ZFHX3: variants seen among roughly 807,000 people sequenced by gnomAD.
ZFHX3 encodes the protein zinc finger homeobox 3, also known as zinc finger homeobox protein 3.
Under a neutral mutation model 279.1 loss-of-function variants are expected in ZFHX3, and 42 were observed. The ratio of observed to expected loss-of-function variants is 0.15; its 90% confidence interval spans 0.12 to 0.19. The LOEUF (loss-of-function observed/expected upper bound fraction) is 0.19, where lower values mean the gene tolerates loss of function less well. Among genes scored for constraint, ZFHX3 ranks in the 10% least tolerant of loss-of-function variants. The pLI, the probability that ZFHX3 is intolerant of heterozygous loss-of-function variation, is 1.00. For synonymous variants in ZFHX3, 2,293 were observed against 1,957.8 expected, an observed-to-expected ratio of 1.17 and a Z score of -4.52; for missense variants, 4,981 against 4,754.0, an observed-to-expected ratio of 1.05 and a Z score of -1.40.
intron 3 of ZFHX3, among the ~76,000 whole-genome samples, chr16:72,938,749 T>C (rs1024986718): frequency 6.6e-6 from 1 of 152,096 alleles, no homozygotes; most frequent in African/African-American, 2.4e-5. Flanking sequence ...GGATTCCGAG[T>C]TGGACACAAA....
chr16:73,082,759 A>G (rs1249807348), intron 8 of ZFHX3, among the ~76,000 whole-genome samples: 1 of 152,216 alleles, frequency 6.6e-6, no homozygotes, highest in African/African-American at 2.4e-5. Flanking sequence ...GCTCCTTAGA[A>G]TAAAAGCAGT....
chr16:73,689,092 C>T (rs752997402), intron 1 of ZFHX3, among the ~76,000 whole-genome samples: 1 of 152,188 alleles, frequency 6.6e-6, no homozygotes, highest in Non-Finnish European at 1.5e-5. Context: ...GGGTTTAATG[C>T]AAACCAACCC....
At chr16:73,305,384 G>T (rs2015157912) in intron 4 of ZFHX3, among the ~76,000 whole-genome samples, 2 of 152,088 alleles carry the variant, frequency 1.3e-5, no homozygotes. Context: ...CATTGCCCTG[G>T]TAAGATACCG....
chr16:73,308,893 T>C (rs370115079), intron 4 of ZFHX3, among the ~76,000 whole-genome samples: 2 of 151,478 alleles, frequency 1.3e-5, no homozygotes, highest in East Asian at 3.9e-4. Context: ...CAAAATTATA[T>C]GACATGATAT....
chr16:73,054,409 C>G (rs1435967170), intron 1 of ZFHX3, among the ~76,000 whole-genome samples: 2 of 149,684 alleles, frequency 1.3e-5, no homozygotes, highest in Non-Finnish European at 3.0e-5. Context: ...ACCCTCCATC[C>G]CGATACAGGA....
chr16:72,811,490 G>A (rs955925367), intron 7 of ZFHX3, 87 bp downstream of exon 7: 39 of 1,312,940 alleles, frequency 3.0e-5, no homozygotes, highest in East Asian at 7.6e-5. Flanking sequence ...TGACTTTCTC[G>A]TCCAATAATA....
intron 3 of ZFHX3, among the ~76,000 whole-genome samples, chr16:72,929,523 G>A (rs1959675111): frequency 6.6e-6 from 1 of 152,166 alleles, no homozygotes; most frequent in African/African-American, 2.4e-5. Flanking sequence ...GAACACAAAT[G>A]GTAGAAATAA....
At chr16:72,974,165 C>A (rs1962238984) in intron 1 of ZFHX3, among the ~76,000 whole-genome samples, 1 of 152,162 alleles carries the variant, frequency 6.6e-6, no homozygotes, top group South Asian at 2.1e-4. Flanking sequence ...CAGCCAGGAG[C>A]CTTAAGTTTT....
At chr16:73,833,217 G>A (rs1961046742) in intron 1 of ZFHX3, among the ~76,000 whole-genome samples, 1 of 152,122 alleles carries the variant, frequency 6.6e-6, no homozygotes, top group African/African-American at 2.4e-5. Flanking sequence ...TTAAAAGTTA[G>A]CTGGTCATGG....
intron 4 of ZFHX3, among the ~76,000 whole-genome samples, chr16:72,848,006 G>T (rs2037521854): frequency 6.6e-6 from 1 of 152,146 alleles, no homozygotes; most frequent in Non-Finnish European, 1.5e-5. Context: ...CCTGAACTTA[G>T]CTGCTGCCTT....
intron 4 of ZFHX3, among the ~76,000 whole-genome samples, chr16:73,285,433 C>A (rs765774033): frequency 5.3e-5 from 8 of 152,218 alleles, no homozygotes; most frequent in Non-Finnish European, 1.0e-4. Context: ...GTGTCGTCAG[C>A]TGACAAAGGG....
At chr16:73,788,396 G>A (rs1183368220) in intron 1 of ZFHX3, among the ~76,000 whole-genome samples, 1 of 152,192 alleles carries the variant, frequency 6.6e-6, no homozygotes. Flanking sequence ...GAGACTTCGT[G>A]TCCTTGGACT....
rs997674247 is a variant in ZFHX3, at chr16:72,959,725, C to T, written c.421G>A (p.Ala141Thr). ...GEIVYQPDGS[A>T]YIVESLSQLT... is the part of the protein sequence containing the mutation. ...TGGCTCAGGCTCTCCACAATGTACG[C>T]GGAGCCGTCCGGCTGGTAGACGATC... Residue 141 changes from alanine (A) to threonine (T), a missense_variant, in exon 2 of 10, where the codon GCG becomes ACG. This residue lies in a region of ZFHX3 where 1,068 missense variants were observed against 935.2 expected (regional missense o/e 1.14). Coordinates refer to ENST00000268489, the MANE Select transcript of ZFHX3 (RefSeq NM_006885.4). 9 of 1,613,380 alleles carry T rather than the reference C, an allele frequency of 5.6e-6. No homozygotes were observed. Among genetic ancestry groups the T allele is most frequent in the Non-Finnish European group, 6.8e-6 (8 of 1,179,636 alleles).
At chr16:73,183,145 C>T (rs1967836200) in intron 5 of ZFHX3, among the ~76,000 whole-genome samples, 1 of 152,136 alleles carries the variant, frequency 6.6e-6, no homozygotes. Flanking sequence ...GCAGAGGTTG[C>T]AGTGAGCCAA....
intron 4 of ZFHX3, among the ~76,000 whole-genome samples, chr16:73,286,863 T>A (rs555090072): frequency 7.5e-6 from 1 of 133,590 alleles, no homozygotes; most frequent in Non-Finnish European, 1.6e-5. Flanking sequence ...GGTGTGTGGT[T>A]GTGTGGGTGT....
At chr16:73,001,828 A>G (rs554657206) in intron 1 of ZFHX3, among the ~76,000 whole-genome samples, 60 of 151,450 alleles carry the variant, frequency 4.0e-4, no homozygotes, top group East Asian at 2.1e-3. Flanking sequence ...CAAAAAAAAA[A>G]GGGGGGGAAA....
chr16:73,167,226 G>A (rs1458930119), intron 5 of ZFHX3, among the ~76,000 whole-genome samples: 3 of 152,230 alleles, frequency 2.0e-5, no homozygotes, highest in Admixed American at 6.5e-5. Flanking sequence ...AATAGGATTG[G>A]AAATTCTCTT....
intron 2 of ZFHX3, among the ~76,000 whole-genome samples, chr16:73,478,187 A>G (rs2018796469): frequency 6.6e-6 from 1 of 150,852 alleles, no homozygotes; most frequent in Non-Finnish European, 1.5e-5. Flanking sequence ...AATGGCTTGA[A>G]TCCAGGAGGC....
chr16:73,342,291 AC>A (rs1329507601), intron 3 of ZFHX3, among the ~76,000 whole-genome samples: 2 of 152,202 alleles, frequency 1.3e-5, no homozygotes, highest in East Asian at 3.8e-4. Flanking sequence ...ACACCTAGTG[AC>A]CCAGGAATGT....
Sources: allele counts gnomAD v4.1 joint callset (sites outside exome capture counted in the v4.1 genomes callset), GRCh38; gene constraint gnomAD v4.1.1; regional missense constraint gnomAD v4.1.1; transcripts MANE v1.5; gene names NCBI Gene and HGNC (gene_info 2026-07-23, HGNC 2026-07-21).